The following ZFHX3 variants were observed in gnomAD, a reference collection of about 807,000 sequenced individuals.
ZFHX3 encodes zinc finger homeobox protein 3.
Under a neutral mutation model 279.1 loss-of-function variants are expected in ZFHX3, and 42 were observed. The ratio of observed to expected loss-of-function variants is 0.15; its 90% CI spans 0.12 to 0.19. The LOEUF (loss-of-function observed/expected upper bound fraction) is 0.19. ZFHX3 is among the 10% of genes least tolerant of loss of function. The pLI is 1.00. For synonymous variants in ZFHX3, 2,293 were observed against 1,957.8 expected (o/e 1.17, Z -4.52); for missense variants, 4,981 against 4,754.0 (o/e 1.05, Z -1.40).
At chr16:73,513,413 G>A (rs770615652) in intron 2 of ZFHX3, among the ~76,000 whole-genome samples, 1 of 152,206 alleles carries the variant, frequency 6.6e-6, no homozygotes, top group African/African-American at 2.4e-5. Context: ...CTGTTGCACT[G>A]ACACCTCTCT....
intron 3 of ZFHX3, among the ~76,000 whole-genome samples, chr16:73,362,945 TA>T (rs1480476334): frequency 1.3e-5 from 2 of 152,262 alleles, no homozygotes; most frequent in Non-Finnish European, 2.9e-5. Flanking sequence ...ACATTTTTGG[TA>T]AAGGTGTTAT....
intron 5 of ZFHX3, among the ~76,000 whole-genome samples, chr16:72,827,282 TAAAC>T (rs1219757338): frequency 2.0e-5 from 3 of 152,136 alleles, no homozygotes; most frequent in Admixed American, 6.5e-5. Flanking sequence ...ACTAAACCAT[TAAAC>T]AAACAAACAA....
chr16:73,120,676 A>G (rs1966486835), intron 7 of ZFHX3, among the ~76,000 whole-genome samples: 1 of 105,080 alleles, frequency 9.5e-6, no homozygotes, highest in Non-Finnish European at 1.8e-5. Context: ...TTTTTTTGAG[A>G]CAGAATCTCG....
intron 1 of ZFHX3, among the ~76,000 whole-genome samples, chr16:73,736,459 A>T (rs931984677): frequency 6.6e-6 from 1 of 152,192 alleles, no homozygotes; most frequent in African/African-American, 2.4e-5. Flanking sequence ...CCTGAGTTTG[A>T]TTTTATAAGC....
Position 73,110,578 on chromosome 16 carries a change from C to CT in ZFHX3, c.-896-16981dup, listed in dbSNP as rs1377493745. On this transcript the variant is annotated intron_variant, in intron 7 of 17. Coordinates refer to the ZFHX3 transcript ENST00000641206. Reference sequence around the variant, plus strand: ...ACTAATTCTTTGTATTTTGTCCCAGCTTTTTTTGGAGACAGGGTCTTGCTC... The same window carrying CT: ...ACTAATTCTTTGTATTTTGTCCCAGCTTTTTTTTGGAGACAGGGTCTTGCTC... 1.3e-5 allele frequency among the ~76,000 whole-genome samples: 2 copies of CT among 152,044 alleles called. 1 individual carries two copies. The highest frequency in any genetic ancestry group is 1.3e-4 in the Admixed American group (2 of 15,254).
intron 1 of ZFHX3, among the ~76,000 whole-genome samples, chr16:73,868,093 T>C (rs1474505589): frequency 1.3e-5 from 2 of 152,182 alleles, no homozygotes; most frequent in African/African-American, 4.8e-5. Context: ...GTTCTTCTTT[T>C]CCTCCCAATA....
At chr16:73,286,857 T>G (rs1254321519) in intron 4 of ZFHX3, among the ~76,000 whole-genome samples, 1 of 123,248 alleles carries the variant, frequency 8.1e-6, no homozygotes, top group Non-Finnish European at 1.7e-5. Flanking sequence ...TGTGTGGGTG[T>G]GTGGTTGTGT....
intron 4 of ZFHX3, among the ~76,000 whole-genome samples, chr16:72,846,338 A>T (rs896678537): frequency 4.6e-5 from 7 of 152,234 alleles, no homozygotes; most frequent in African/African-American, 1.7e-4. Context: ...ACGTGCAAAG[A>T]CCCAGGGCAC....
At chr16:73,863,355 G>A (rs995556447) in intron 1 of ZFHX3, among the ~76,000 whole-genome samples, 3 of 152,132 alleles carry the variant, frequency 2.0e-5, no homozygotes, top group Non-Finnish European at 4.4e-5. Flanking sequence ...CCAGATGGAG[G>A]GTGATCCAGA....
chr16:73,265,969 C>A (rs1001028591), intron 4 of ZFHX3, among the ~76,000 whole-genome samples: 2 of 152,198 alleles, frequency 1.3e-5, no homozygotes, highest in South Asian at 4.1e-4. Context: ...AGGAATTTCC[C>A]AAACCTGATC....
intron 3 of ZFHX3, among the ~76,000 whole-genome samples, chr16:73,410,072 A>G (rs1392637984): frequency 6.6e-6 from 1 of 152,200 alleles, no homozygotes; most frequent in African/African-American, 2.4e-5. Context: ...CTAGTATTTG[A>G]CAGCACCATA....
chr16:72,990,137 G>C (rs1406396323), intron 1 of ZFHX3, among the ~76,000 whole-genome samples: 1 of 152,150 alleles, frequency 6.6e-6, no homozygotes, highest in Non-Finnish European at 1.5e-5. Context: ...CCAGTCAAAA[G>C]AGGGACACGC....
Position 72,957,466 on chromosome 16 carries a change from C to G in ZFHX3, c.2680G>C (p.Asp894His). ...AQFMMSGFQL[D>H]PAGPMAAMTP... ...ATGGCGGCCATGGGCCCGGCGGGAT[C>G]CAGCTGGAATCCGCTCATCATGAAC... The change falls in exon 2 of 10, where the codon GAT (aspartate) becomes CAT (histidine). Residue 894 changes from aspartate to histidine, a missense_variant. Asp to His is a moderately conservative substitution (Grantham distance 81). Around this residue, in one of 7 missense-constraint regions of ZFHX3, gnomAD observed 1,751 missense variants for 1,770.0 expected, o/e 0.99. Transcript: ENST00000268489. 1 of 1,613,562 alleles carries G rather than the reference C, an allele frequency of 6.2e-7. No homozygotes were observed. Among genetic ancestry groups the G allele is most frequent in the Non-Finnish European group, 8.5e-7 (1 of 1,179,720 alleles).
Position 73,403,002 on chromosome 16 carries a change from G to T in ZFHX3, c.-1291+53001C>A, listed in dbSNP as rs542440394. On this transcript the variant is annotated intron_variant, in intron 3 of 17. Coordinates refer to the ZFHX3 transcript ENST00000641206. ...AACACCAGGCTGGACTAAAGAACTG[G>T]AAGCAGAGAACATACACAACAGTGT... Among the ~76,000 whole-genome samples, 11 of 152,278 alleles carry T rather than the reference G, an allele frequency of 7.2e-5. No individual in the cohort carries two copies. The East Asian group carries it at 2.1e-3, about 29-fold the overall frequency.
intron 3 of ZFHX3, among the ~76,000 whole-genome samples, chr16:73,390,203 A>G (rs8049957): frequency 0.37 from 56,842 of 151,828 alleles, 12,108 homozygotes; most frequent in Non-Finnish European, 0.49. Flanking sequence ...TCAAGGCCCC[A>G]CCACCTCTGT....
intron 2 of ZFHX3, among the ~76,000 whole-genome samples, chr16:73,646,333 C>T (rs948701190): frequency 3.3e-5 from 5 of 151,942 alleles, no homozygotes; most frequent in African/African-American, 1.2e-4. Flanking sequence ...AGGGTACCCA[C>T]CTCATAATCT....
intron 3 of ZFHX3, among the ~76,000 whole-genome samples, chr16:73,318,754 T>C (rs977703374): frequency 6.6e-6 from 1 of 152,220 alleles, no homozygotes; most frequent in Non-Finnish European, 1.5e-5. Context: ...ACTAACGGTA[T>C]AATATCTTTG....
chr16:72,798,495 C>A lies in ZFHX3; in HGVS notation c.4187G>T (p.Arg1396Leu). ...ATTACAGCGGTACTTGTACACATGG[C>A]GATCTGACACCGGCAGCTGAGGCCT... Reference protein sequence around the residue: ...AKRPQLPVSDRHVYKYRCNQC... With the variant: ...AKRPQLPVSDLHVYKYRCNQC... The change falls in exon 9 of 10, where the codon CGC becomes CTC. Residue 1396 changes from arginine to leucine, a missense_variant. Arg to Leu is a moderately radical substitution (Grantham distance 102, BLOSUM62 -2). Around this residue, in one of 7 missense-constraint regions of ZFHX3, gnomAD observed 1,751 missense variants for 1,770.0 expected, o/e 0.99. Coordinates refer to ENST00000268489, the MANE Select transcript of ZFHX3 (RefSeq NM_006885.4). 1 of 1,614,090 alleles carries A rather than the reference C, an allele frequency of 6.2e-7. No homozygotes were observed. The highest frequency in any genetic ancestry group is 8.5e-7 in the Non-Finnish European group (1 of 1,179,978).
chr16:73,777,872 G>A (rs962514847), intron 1 of ZFHX3, among the ~76,000 whole-genome samples: 5 of 152,026 alleles, frequency 3.3e-5, no homozygotes, highest in Admixed American at 6.6e-5. Context: ...TGTAGCTAAA[G>A]GGAGTATCTG....
Sources: gnomAD v4.1 joint callset for allele counts (sites outside exome capture counted in the v4.1 genomes callset) on GRCh38, gnomAD v4.1.1 for gene constraint, gnomAD v4.1.1 regional missense constraint, MANE v1.5 for transcripts, NCBI Gene and HGNC (gene_info 2026-07-23, HGNC 2026-07-21) for gene names.